Variants in DPH6 observed in about 807,000 individuals in gnomAD.
The protein encoded by DPH6 is diphthamine biosynthesis 6.
In DPH6, 33 loss-of-function variants were observed where a neutral mutation model predicts 38.2. That is an observed-to-expected ratio of 0.86 (90% confidence interval 0.65 to 1.15). The LOEUF is 1.15. Ranked by LOEUF, DPH6 falls within the 50% of genes most tolerant of loss-of-function variation. DPH6 has a pLI of 0.00. For missense variants in DPH6, 325 were observed against 320.0 expected (o/e 1.02, Z -0.12); for synonymous variants, 108 against 103.0 (o/e 1.05, Z -0.30).
intron 3 of DPH6, among the ~76,000 whole-genome samples, chr15:35,236,317 T>C (rs1413367106): frequency 1.3e-5 from 2 of 152,214 alleles, no homozygotes; most frequent in Non-Finnish European, 2.9e-5. Context: ...TTAAAGGAAT[T>C]TGCCTTATTG....
intron 3 of DPH6, among the ~76,000 whole-genome samples, chr15:35,322,045 T>A (rs2052244870): frequency 1.3e-5 from 2 of 152,158 alleles, no homozygotes. Flanking sequence ...ATAGCCCTCA[T>A]GCACTGAGTC....
In DPH6 at chr15:35,503,811, A is replaced by C. The variant is rs542752102; in HGVS notation, c.312+34463T>G. Among the ~76,000 whole-genome samples the C allele has an allele frequency of 9.2e-5, 14 of 152,292 alleles. 1 individual carries two copies. The highest frequency in any genetic ancestry group is 7.7e-4 in the East Asian group (4 of 5,180). On this transcript the variant is annotated intron_variant, in intron 3 of 8. Transcript: ENST00000256538. ...TAGGCTATTTTAATCTCCATTTTAT[A>C]GAAGAGGAAACAAAGGCACAGAGAG...
chr15:35,346,091 C>T (rs1328253626), intron 3 of DPH6, among the ~76,000 whole-genome samples: 1 of 151,978 alleles, frequency 6.6e-6, no homozygotes, highest in Admixed American at 6.6e-5. Context: ...CCCTGTTCAA[C>T]AATACTGTAG....
chr15:35,282,563 TC>T, intron 3 of DPH6: 1 of 300,564 alleles, frequency 3.3e-6, no homozygotes. Context: ...TGCCAACCCT[TC>T]AGATCTCAAT....
intron 3 of DPH6, among the ~76,000 whole-genome samples, chr15:35,286,664 T>C (rs318345): frequency 0.98 from 149,650 of 152,336 alleles, 73,562 homozygotes; most frequent in East Asian, 1. Flanking sequence ...GTACATTATC[T>C]TGTTTATTCA....
chr15:35,267,140 G>GT (rs1347801958), intron 3 of DPH6, among the ~76,000 whole-genome samples: 7 of 152,074 alleles, frequency 4.6e-5, no homozygotes, highest in Non-Finnish European at 7.4e-5. Flanking sequence ...ATAAAGTGCA[G>GT]TAAAAAAAAC....
chr15:35,483,293 G>A (rs569196513), intron 3 of DPH6, among the ~76,000 whole-genome samples: 5 of 151,794 alleles, frequency 3.3e-5, no homozygotes, highest in East Asian at 1.9e-4. Context: ...GTGAAACCCC[G>A]TCTCTACTAA....
intron 3 of DPH6, among the ~76,000 whole-genome samples, chr15:35,274,975 C>T (rs1251286967): frequency 2.0e-5 from 3 of 151,694 alleles, no homozygotes; most frequent in South Asian, 4.2e-4. Context: ...AGTGCAGTGG[C>T]GCAATCTCGG....
chr15:35,154,114 G>T, the DPH6 span, among the ~76,000 whole-genome samples: 4 of 152,112 alleles, frequency 2.6e-5, no homozygotes, highest in African/African-American at 9.7e-5. Context: ...GGGCTCTATT[G>T]CACAGTAGGG....
chr15:35,234,697 C>T (rs938789822), intron 3 of DPH6, among the ~76,000 whole-genome samples: 2 of 152,220 alleles, frequency 1.3e-5, no homozygotes, highest in Non-Finnish European at 2.9e-5. Context: ...ATTTCTTGGC[C>T]TTGTCAACTA....
At chr15:35,470,005 C>T (rs1335323741) in intron 3 of DPH6, among the ~76,000 whole-genome samples, 1 of 152,134 alleles carries the variant, frequency 6.6e-6, no homozygotes, top group Non-Finnish European at 1.5e-5. Context: ...TGAGACCAGC[C>T]TGGCCAACAT....
intron 3 of DPH6, among the ~76,000 whole-genome samples, chr15:35,245,369 G>T (rs1770517163): frequency 6.6e-6 from 1 of 151,318 alleles, no homozygotes; most frequent in Non-Finnish European, 1.5e-5. Context: ...CTCCCCAGTA[G>T]CTGGGACTAC....
intron 5 of DPH6, among the ~76,000 whole-genome samples, chr15:35,413,662 ATTGT>A (rs2053398990): frequency 6.6e-6 from 1 of 151,260 alleles, no homozygotes; most frequent in African/African-American, 2.4e-5. Context: ...AATTTTTTGT[ATTGT>A]TTTTGTTTTA....
At chr15:35,164,804 T>C in the DPH6 span, among the ~76,000 whole-genome samples, 2 of 151,844 alleles carry the variant, frequency 1.3e-5, no homozygotes. Flanking sequence ...AATCATCACC[T>C]TTCTAGGCAT....
chr15:35,231,563 T>A (rs951580519), intron 3 of DPH6, among the ~76,000 whole-genome samples: 8 of 152,230 alleles, frequency 5.3e-5, no homozygotes, highest in African/African-American at 1.9e-4. Context: ...GGGTGGACAA[T>A]CAGTGGAGCT....
At chr15:35,190,866 C>T in the DPH6 span, among the ~76,000 whole-genome samples, 1 of 152,304 alleles carries the variant, frequency 6.6e-6, no homozygotes, top group East Asian at 1.9e-4. Flanking sequence ...ATCTCTTTCA[C>T]TGTAATTATT....
chr15:35,280,385 GA>G lies in DPH6; in HGVS notation n.201-59804del, dbSNP rs202108419. Among the ~76,000 whole-genome samples the G allele has an allele frequency of 8.4e-3, 1,282 of 152,260 alleles. 20 individuals carry two copies. The highest frequency in any genetic ancestry group is 0.029 in the African/African-American group (1,198 of 41,550). On this transcript the variant is annotated intron_variant and non_coding_transcript_variant, in intron 3 of 3. Coordinates refer to the DPH6 transcript ENST00000560386. ...AAATAATATTGGAGGTTAGGGTAAA[GA>G]AAAATCACTTGTAGCTCATGACTGG...
intron 3 of DPH6, among the ~76,000 whole-genome samples, chr15:35,251,479 A>C (rs2051673485): frequency 6.6e-6 from 1 of 152,134 alleles, no homozygotes. Flanking sequence ...ATGCACAACA[A>C]TTCTCTGCTC....
At position 35,352,149 on chromosome 15, in the gene DPH6, T is replaced by G. The variant is rs2052518183; in HGVS notation, n.208-21072A>C. On this transcript the variant is annotated intron_variant and non_coding_transcript_variant, in intron 3 of 3. Transcript: ENST00000558973. ...GTGCATGATTACAGTATTACAATTT[T>G]CTGAGTTTGTCTTTATGTTTAGCTT... 2.0e-5 allele frequency among the ~76,000 whole-genome samples: 3 copies of G among 152,264 alleles called. No homozygotes were observed. In the South Asian group the frequency reaches 6.2e-4, roughly 31 times the overall value.
Sources: allele counts gnomAD v4.1 joint callset (sites outside exome capture counted in the v4.1 genomes callset), GRCh38; gene constraint gnomAD v4.1.1; transcripts MANE v1.5; gene names NCBI Gene and HGNC (gene_info 2026-07-23, HGNC 2026-07-21).